ATF6: variants seen among roughly 807,000 people sequenced by gnomAD.
ATF6 encodes cyclic AMP-dependent transcription factor ATF-6 alpha.
ATF6 carries 53 observed loss-of-function variants against 83.6 expected under a neutral mutation model. The observed-to-expected ratio is 0.63, with a 90% confidence interval of 0.51 to 0.80. ATF6 has a LOEUF of 0.80. Ranked by LOEUF, ATF6 falls within the 30% of genes least tolerant of loss-of-function variation. The pLI is 0.00. For synonymous variants in ATF6, 288 were observed against 285.8 expected (o/e 1.01, Z -0.08); for missense variants, 744 against 797.9 (o/e 0.93, Z 0.81).
At chr1:161,813,888 CTTT>C (rs879715945) in intron 7 of ATF6, among the ~76,000 whole-genome samples, 1 of 142,994 alleles carries the variant, frequency 7.0e-6, no homozygotes, top group Non-Finnish European at 1.5e-5. Flanking sequence ...TCTTTTCTTT[CTTT>C]TTTTTTTTTT....
chr1:161,812,684 G>A (rs927927413), intron 7 of ATF6, among the ~76,000 whole-genome samples: 14 of 152,008 alleles, frequency 9.2e-5, no homozygotes, highest in African/African-American at 1.7e-4. Context: ...GAGCCACCGC[G>A]CCCGGCCAGG....
chr1:161,808,735 T>G (rs905293624), intron 7 of ATF6, among the ~76,000 whole-genome samples: 7 of 149,878 alleles, frequency 4.7e-5, no homozygotes, highest in African/African-American at 7.3e-5. Context: ...AAATTTTGAT[T>G]TTTTTTTTTG....
intron 9 of ATF6, among the ~76,000 whole-genome samples, chr1:161,829,773 C>T (rs1033937160): frequency 1.3e-5 from 2 of 152,166 alleles, no homozygotes; most frequent in Admixed American, 6.5e-5. Context: ...GCTAAAAACT[C>T]TCAATAAACT....
intron 9 of ATF6, among the ~76,000 whole-genome samples, chr1:161,829,189 CTTTTT>C (rs35619050): frequency 8.3e-5 from 6 of 72,594 alleles, no homozygotes; most frequent in African/African-American, 2.7e-4. Context: ...TAATGGGAGA[CTTTTT>C]TTTTTTTTTT....
intron 14 of ATF6, among the ~76,000 whole-genome samples, chr1:161,896,113 A>C (rs917893261): frequency 2.0e-5 from 3 of 152,180 alleles, no homozygotes; most frequent in Non-Finnish European, 2.9e-5. Flanking sequence ...TCTATCCATC[A>C]ATCGATAGAT....
chr1:161,925,302 G>A (rs1279515527), intron 15 of ATF6, among the ~76,000 whole-genome samples: 1 of 152,138 alleles, frequency 6.6e-6, no homozygotes, highest in Non-Finnish European at 1.5e-5. Flanking sequence ...TGAAACCAAG[G>A]TGTTTTTTTC....
rs16853109 is a variant in ATF6 at position 161,842,042 on chromosome 1, G to A, written c.1188-4407G>A. Among the ~76,000 whole-genome samples, 577 of 152,254 alleles carry A rather than the reference G, an allele frequency of 3.8e-3. 6 individuals are homozygous for A. Among genetic ancestry groups the A allele is most frequent in the African/African-American group, 0.013 (532 of 41,552 alleles). On this transcript the variant is annotated intron_variant, in intron 9 of 15. Coordinates refer to ENST00000367942, the MANE Select transcript of ATF6 (RefSeq NM_007348.4). ...AGAAGAATTCTTTACAAACCTTAAAGTATCAATAGTTCTGAATTAATTCAA... is the reference window on the plus strand; with the variant it reads ...AGAAGAATTCTTTACAAACCTTAAAATATCAATAGTTCTGAATTAATTCAA...
intron 12 of ATF6, among the ~76,000 whole-genome samples, chr1:161,857,700 G>A (rs1252047537): frequency 6.6e-6 from 1 of 152,048 alleles, no homozygotes; most frequent in Non-Finnish European, 1.5e-5. Flanking sequence ...TATCTTATGT[G>A]TGTGTATTTA....
chr1:161,865,565 A>G (rs1028379413), intron 14 of ATF6, among the ~76,000 whole-genome samples: 8 of 152,202 alleles, frequency 5.3e-5, no homozygotes, highest in African/African-American at 1.4e-4. Flanking sequence ...ATTTCTCATT[A>G]GTTTGCTATA....
chr1:161,949,287 C>G (rs1688818120), intron 15 of ATF6, among the ~76,000 whole-genome samples: 1 of 152,106 alleles, frequency 6.6e-6, no homozygotes. Context: ...ACTGGGGATT[C>G]AGTGGTGAAT....
At chr1:161,893,857 CT>C (rs1558013999) in intron 14 of ATF6, among the ~76,000 whole-genome samples, 1 of 152,120 alleles carries the variant, frequency 6.6e-6, no homozygotes, top group Non-Finnish European at 1.5e-5. Context: ...TTGCTTGTTT[CT>C]TTTACTCAAA....
intron 9 of ATF6, among the ~76,000 whole-genome samples, chr1:161,835,994 C>G (rs1686203383): frequency 6.6e-6 from 1 of 152,172 alleles, no homozygotes; most frequent in Admixed American, 6.5e-5. Context: ...GGTCTGGAAT[C>G]TTTATAGTTT....
rs767869777 is a variant in ATF6, at chr1:161,792,234, C to T, written c.595C>T (p.Pro199Ser). ...APKTQTNSSVPAKTIIIQTVP... is the reference protein window; with the variant it reads ...APKTQTNSSVSAKTIIIQTVP... The stretch of plus-strand genomic sequence containing the variant: ...CAAGACTCAAACAAACTCCAGTGTT[C>T]CAGCAAAAACCATCATTATTCAGAC... Residue 199 changes from proline (P) to serine (S), a missense_variant, in exon 6 of 16, where the codon CCA (proline) becomes TCA (serine). Coordinates refer to ENST00000367942, the MANE Select transcript of ATF6 (RefSeq NM_007348.4). The T allele has an allele frequency of 4.3e-6, 7 of 1,614,138 alleles. No individual in the cohort carries two copies. The South Asian group carries it at 7.7e-5, about 18-fold the overall frequency.
intron 14 of ATF6, among the ~76,000 whole-genome samples, chr1:161,884,426 T>C (rs1440206461): frequency 6.6e-6 from 1 of 152,140 alleles, no homozygotes; most frequent in East Asian, 1.9e-4. Context: ...AAAAGTTTTC[T>C]TCCTCAAACC....
At chr1:161,810,608 CT>C (rs930106940) in intron 7 of ATF6, among the ~76,000 whole-genome samples, 54 of 146,820 alleles carry the variant, frequency 3.7e-4, no homozygotes, top group Admixed American at 5.4e-4. Flanking sequence ...CTTTTGTTGT[CT>C]TTTTTTTTTT....
intron 4 of ATF6, 39 bp from the exon 5 acceptor site, chr1:161,791,369 G>A: frequency 6.4e-7 from 1 of 1,570,844 alleles, no homozygotes; most frequent in Non-Finnish European, 8.6e-7. Flanking sequence ...TGCTGCTTAA[G>A]GATTATACTC....
At chr1:161,900,734 A>G (rs1190000339) in intron 14 of ATF6, among the ~76,000 whole-genome samples, 1 of 152,156 alleles carries the variant, frequency 6.6e-6, no homozygotes, top group African/African-American at 2.4e-5. Flanking sequence ...ACATCATGAC[A>G]TACATTTATG....
intron 9 of ATF6, among the ~76,000 whole-genome samples, chr1:161,844,044 T>A (rs1026655989): frequency 5.3e-5 from 8 of 152,206 alleles, no homozygotes; most frequent in African/African-American, 1.9e-4. Flanking sequence ...GGGTTTTAAT[T>A]ACACTGGGCT....
rs1477715157 is a variant in ATF6, at chr1:161,958,558, T to G, written c.1917T>G (p.Asp639Glu). ...KSSSVPPYLR[D>E]QQRNQTNTFF... ...CGTCAGTTCCTCCTTACCTCCGAGA[T>G]CAGCAGAGGAATCAAACCAACACCT... Residue 639 changes from aspartate to glutamate, a missense_variant, in exon 16 of 16, where the codon GAT becomes GAG. Transcript: ENST00000367942. The G allele has an allele frequency of 6.2e-7, 1 of 1,613,854 alleles. No homozygotes were observed. Among genetic ancestry groups the G allele is most frequent in the East Asian group, 2.2e-5 (1 of 44,876 alleles).
Sources: allele counts gnomAD v4.1 joint callset (sites outside exome capture counted in the v4.1 genomes callset), GRCh38; gene constraint gnomAD v4.1.1; transcripts MANE v1.5; gene names NCBI Gene and HGNC (gene_info 2026-07-23, HGNC 2026-07-21).